Variants in SENP7 observed in about 807,000 individuals in gnomAD.
SENP7 encodes the protein SUMO specific peptidase 7, also known as sentrin-specific protease 7.
Under a neutral mutation model 141.2 loss-of-function variants are expected in SENP7, and 64 were observed. The ratio of observed to expected loss-of-function variants is 0.45; its 90% CI spans 0.37 to 0.56. The LOEUF (loss-of-function observed/expected upper bound fraction) is 0.56. Ranked by LOEUF, SENP7 falls within the 20% of genes least tolerant of loss-of-function variation. The pLI is 0.00. For missense variants in SENP7, 1,025 were observed against 1,212.2 expected, an observed-to-expected ratio of 0.85 and a Z score of 2.29; for synonymous variants, 382 against 426.4, an observed-to-expected ratio of 0.90 and a Z score of 1.28.
chr3:101,482,048 T>G (rs925473171), intron 3 of SENP7, among the ~76,000 whole-genome samples: 2 of 152,090 alleles, frequency 1.3e-5, no homozygotes, highest in African/African-American at 4.8e-5. Context: ...CAGTGGCTCA[T>G]GTCTGTAATC....
intron 4 of SENP7, among the ~76,000 whole-genome samples, chr3:101,444,046 A>C (rs1220769879): frequency 2.1e-5 from 3 of 143,236 alleles, no homozygotes; most frequent in African/African-American, 7.7e-5. Flanking sequence ...AATTTACAAG[A>C]AAAAAACAAA....
intron 3 of SENP7, among the ~76,000 whole-genome samples, chr3:101,488,714 T>C (rs1392479062): frequency 1.3e-5 from 2 of 152,194 alleles, no homozygotes; most frequent in Non-Finnish European, 2.9e-5. Flanking sequence ...TGGCAGCATG[T>C]GCCTGTAGTC....
chr3:101,513,131 C>A lies in SENP7; in HGVS notation c.-1G>T. On this transcript the variant is annotated 5_prime_UTR_variant, in exon 1 of 24. Coordinates refer to ENST00000394095, the MANE Select transcript of SENP7 (RefSeq NM_020654.5). ...GTCGCCCGAGCTTTCTCTTGTCCAT[C>A]TTCTCCCGCTGCTGAAATTTCAGTT... is the stretch of plus-strand genomic sequence containing the variant. The A allele has an allele frequency of 6.3e-7, 1 of 1,577,688 alleles. No homozygotes were observed. Among genetic ancestry groups the A allele is most frequent in the Non-Finnish European group, 8.6e-7 (1 of 1,157,800 alleles).
chr3:101,443,939 T>C (rs1162134783), intron 4 of SENP7, among the ~76,000 whole-genome samples: 2 of 150,874 alleles, frequency 1.3e-5, no homozygotes, highest in Non-Finnish European at 2.9e-5. Flanking sequence ...GAAACTACCA[T>C]CAGAGTGAAC....
chr3:101,502,239 G>A (rs2065411702), intron 1 of SENP7, among the ~76,000 whole-genome samples: 1 of 152,214 alleles, frequency 6.6e-6, no homozygotes, highest in African/African-American at 2.4e-5. Flanking sequence ...TACCAGGTCA[G>A]CGTATTACCC....
At chr3:101,474,615 C>A (rs2064141860) in intron 3 of SENP7, among the ~76,000 whole-genome samples, 1 of 152,050 alleles carries the variant, frequency 6.6e-6, no homozygotes, top group African/African-American at 2.4e-5. Flanking sequence ...TAGGATCATG[C>A]TGTCTGCAAA....
intron 5 of SENP7, among the ~76,000 whole-genome samples, chr3:101,411,798 C>T (rs370100485): frequency 1.2e-4 from 19 of 152,240 alleles, no homozygotes; most frequent in East Asian, 7.7e-4. Context: ...AGTATCAGTA[C>T]GTAAGGTATT....
intron 4 of SENP7, among the ~76,000 whole-genome samples, chr3:101,429,920 C>A (rs1444496770): frequency 2.0e-5 from 3 of 152,090 alleles, no homozygotes; most frequent in Admixed American, 6.6e-5. Context: ...TTGTCAAAGG[C>A]CTTTTCTGCA....
chr3:101,465,591 T>G (rs973595330), intron 3 of SENP7, among the ~76,000 whole-genome samples: 1 of 152,192 alleles, frequency 6.6e-6, no homozygotes, highest in African/African-American at 2.4e-5. Context: ...ACTGTGTCTA[T>G]GTAAAAATCA....
intron 1 of SENP7, among the ~76,000 whole-genome samples, chr3:101,507,285 C>G (rs1426779026): frequency 6.6e-6 from 1 of 152,200 alleles, no homozygotes; most frequent in Non-Finnish European, 1.5e-5. Flanking sequence ...TTTGGAGCTA[C>G]TCAATCTTAT....
chr3:101,471,472 C>A (rs557007618), intron 3 of SENP7, among the ~76,000 whole-genome samples: 108 of 152,228 alleles, frequency 7.1e-4, no homozygotes, highest in African/African-American at 2.3e-3. Flanking sequence ...AAACTGGATC[C>A]CTTCCTGACA....
At chr3:101,413,069 A>G (rs1234625911) in intron 5 of SENP7, among the ~76,000 whole-genome samples, 1 of 152,174 alleles carries the variant, frequency 6.6e-6, no homozygotes, top group African/African-American at 2.4e-5. Flanking sequence ...AGATTCCAGA[A>G]AGCAAATAAA....
intron 3 of SENP7, among the ~76,000 whole-genome samples, chr3:101,463,396 T>TATATACATATATATATATATATATATAC (rs1320861204): frequency 1.2e-5 from 1 of 82,860 alleles, no homozygotes; most frequent in African/African-American, 5.9e-5. Context: ...TATATATATA[T>TATATACATATATATATATATATATATAC]ACATATATAT....
chr3:101,384,339 C>T (rs1012119386), intron 6 of SENP7, among the ~76,000 whole-genome samples: 2 of 152,360 alleles, frequency 1.3e-5, no homozygotes, highest in African/African-American at 2.4e-5. Flanking sequence ...ACTCTTGCCA[C>T]GTTGCGGGTG....
intron 4 of SENP7, among the ~76,000 whole-genome samples, chr3:101,438,332 C>G (rs1415840756): frequency 1.3e-5 from 2 of 152,002 alleles, no homozygotes; most frequent in Non-Finnish European, 2.9e-5. Flanking sequence ...TAGCTAGTCA[C>G]AAAAAGACAA....
chr3:101,445,030 G>A (rs2062836780), intron 4 of SENP7, among the ~76,000 whole-genome samples: 1 of 151,934 alleles, frequency 6.6e-6, no homozygotes, highest in African/African-American at 2.4e-5. Context: ...ACTTCTCCCA[G>A]ACATTATGCT....
intron 4 of SENP7, 52 bp downstream of exon 4, chr3:101,458,903 G>T: frequency 9.4e-7 from 1 of 1,062,670 alleles, no homozygotes; most frequent in South Asian, 1.4e-5. Flanking sequence ...AATCATTTAT[G>T]GTCAACTTTA....
chr3:101,387,415 G>A (rs911914621), intron 6 of SENP7, among the ~76,000 whole-genome samples: 9 of 152,110 alleles, frequency 5.9e-5, no homozygotes, highest in African/African-American at 1.2e-4. Flanking sequence ...CTGTCAACAC[G>A]TCTAAGGATT....
At chr3:101,421,330 A>T (rs1000657066) in intron 4 of SENP7, among the ~76,000 whole-genome samples, 2 of 152,156 alleles carry the variant, frequency 1.3e-5, no homozygotes, top group Admixed American at 1.3e-4. Flanking sequence ...CCAGTCTATT[A>T]TTTATACATT....
Sources: allele counts gnomAD v4.1 joint callset (sites outside exome capture counted in the v4.1 genomes callset), GRCh38; gene constraint gnomAD v4.1.1; transcripts MANE v1.5; gene names NCBI Gene and HGNC (gene_info 2026-07-23, HGNC 2026-07-21).